The following GSDMC variants were observed in gnomAD, a reference collection of about 807,000 sequenced individuals.
GSDMC encodes the protein gasdermin-C.
Under a neutral mutation model 58.0 loss-of-function variants are expected in GSDMC, and 59 were observed. That is an observed-to-expected ratio of 1.02 (90% CI 0.82 to 1.26). The LOEUF is 1.26. Among genes scored for constraint, GSDMC ranks in the 50% most tolerant of loss-of-function variants. The pLI, the probability that GSDMC is intolerant of heterozygous loss-of-function variation, is 0.00. For missense variants in GSDMC, 659 were observed against 598.5 expected (o/e 1.10, Z -1.06); for synonymous variants, 241 against 220.2 (o/e 1.09, Z -0.83).
rs1264293392 is a variant in GSDMC at position 129,762,625 on chromosome 8, C to A, written c.676+1G>T. 6 of 1,596,742 alleles carry A rather than the reference C, an allele frequency of 3.8e-6. No individual in the cohort carries two copies. Among genetic ancestry groups the A allele is most frequent in the Non-Finnish European group, 5.2e-6 (6 of 1,164,136 alleles). Reference sequence around the variant, plus strand: ...GCCTTGCTGAGCTCCGCTGCTCCCACCTTTCTCCTTGATAACCAGCTGCTT... The same window carrying A: ...GCCTTGCTGAGCTCCGCTGCTCCCAACTTTCTCCTTGATAACCAGCTGCTT... On this transcript the variant is annotated splice_donor_variant, in intron 5 of 13. Coordinates refer to ENST00000276708, the MANE Select transcript of GSDMC (RefSeq NM_031415.3). LOFTEE classifies it high-confidence loss of function.
chr8:129,755,024 A>T (rs577803669), intron 6 of GSDMC, among the ~76,000 whole-genome samples: 1 of 152,188 alleles, frequency 6.6e-6, no homozygotes, highest in African/African-American at 2.4e-5. Flanking sequence ...GGACACAGAG[A>T]AAGAGATAGG....
intron 3 of GSDMC, among the ~76,000 whole-genome samples, chr8:129,771,923 TAGAA>T (rs1337431814): frequency 2.0e-5 from 3 of 151,886 alleles, no homozygotes; most frequent in Non-Finnish European, 2.9e-5. Context: ...ATTAAGAAAA[TAGAA>T]AGAATTCAAA....
At chr8:129,716,510 A>G in the GSDMC span, among the ~76,000 whole-genome samples, 1 of 152,042 alleles carries the variant, frequency 6.6e-6, no homozygotes, top group Non-Finnish European at 1.5e-5. Context: ...GCTTAAGGAG[A>G]TTTGGGGCTG....
At chr8:129,783,884 G>T (rs111558617) in intron 1 of GSDMC, among the ~76,000 whole-genome samples, 24,402 of 152,024 alleles carry the variant, frequency 0.16, 2,392 homozygotes, top group Non-Finnish European at 0.21. Flanking sequence ...GTACTGGCAT[G>T]AAAACAGACA....
At chr8:129,778,889 C>T (rs2034327181) in intron 1 of GSDMC, among the ~76,000 whole-genome samples, 1 of 151,066 alleles carries the variant, frequency 6.6e-6, no homozygotes, top group Non-Finnish European at 1.5e-5. Flanking sequence ...TAGAGAAACA[C>T]AAATCAAAAC....
chr8:129,723,985 T>C, the GSDMC span, among the ~76,000 whole-genome samples: 7 of 152,350 alleles, frequency 4.6e-5, no homozygotes, highest in South Asian at 1.5e-3. Context: ...TTAATTAATA[T>C]GTGGGCACAA....
At chr8:129,722,332 G>A in the GSDMC span, among the ~76,000 whole-genome samples, 1 of 152,182 alleles carries the variant, frequency 6.6e-6, no homozygotes, top group Admixed American at 6.5e-5. Flanking sequence ...GTGGGTGAGT[G>A]AAGGAGTTAC....
chr8:129,752,548 A>C (rs2033252168), intron 7 of GSDMC, 150 bp downstream of exon 7: 3 of 1,264,968 alleles, frequency 2.4e-6, no homozygotes, highest in African/African-American at 3.0e-5. Flanking sequence ...AGTTCTAAGC[A>C]AAAAAACACT....
At chr8:129,709,882 G>A in the GSDMC span, among the ~76,000 whole-genome samples, 1 of 152,284 alleles carries the variant, frequency 6.6e-6, no homozygotes, top group Non-Finnish European at 1.5e-5. Context: ...TGGCGGCAGC[G>A]CTAGTTCTTT....
the GSDMC span, among the ~76,000 whole-genome samples, chr8:129,738,693 G>A: frequency 2.0e-5 from 3 of 152,032 alleles, no homozygotes; most frequent in Non-Finnish European, 4.4e-5. Flanking sequence ...ATTAGGAGAA[G>A]TACCTAATGT....
chr8:129,750,844 A>G (rs952314027), intron 10 of GSDMC, among the ~76,000 whole-genome samples: 9 of 152,232 alleles, frequency 5.9e-5, no homozygotes, highest in African/African-American at 2.2e-4. Context: ...CAAATGGAAG[A>G]GAATGGCAAA....
Position 129,749,438 on chromosome 8 carries a change from T to C in GSDMC, c.1287+14A>G. ...CCCTCTTCCCTGAACTTCTGGCCCC[T>C]GGGAAGTTCTCACCAGCTCCTGTTG... On this transcript the variant is annotated intron_variant, in intron 13 of 13. Transcript: ENST00000276708. 1 of 1,584,308 alleles carries C rather than the reference T, an allele frequency of 6.3e-7. No individual in the cohort carries two copies. Among genetic ancestry groups the C allele is most frequent in the Non-Finnish European group, 8.7e-7 (1 of 1,152,826 alleles).
At chr8:129,729,955 C>A in the GSDMC span, 1 of 1,508,256 alleles carries the variant, frequency 6.6e-7, no homozygotes, top group Admixed American at 1.7e-5. Flanking sequence ...AGTGGAGCTG[C>A]GGGGGCAGCA....
intron 3 of GSDMC, among the ~76,000 whole-genome samples, chr8:129,774,768 C>T (rs1466329452): frequency 6.6e-6 from 1 of 151,894 alleles, no homozygotes; most frequent in African/African-American, 2.4e-5. Context: ...GGGCAAAGGA[C>T]CTAAATAGAT....
chr8:129,709,453 AATAGATG>A, the GSDMC span, among the ~76,000 whole-genome samples: 2 of 151,700 alleles, frequency 1.3e-5, no homozygotes, highest in African/African-American at 4.9e-5. Context: ...GCTAGATATA[AATAGATG>A]ATAGATGATA....
At chr8:129,721,951 A>G in the GSDMC span, among the ~76,000 whole-genome samples, 2 of 152,102 alleles carry the variant, frequency 1.3e-5, no homozygotes, top group African/African-American at 4.8e-5. Flanking sequence ...CCAAATCACA[A>G]TGACTTAGAG....
downstream of GSDMC, among the ~76,000 whole-genome samples, chr8:129,745,421 C>T (rs541793008): frequency 3.3e-5 from 5 of 152,254 alleles, no homozygotes; most frequent in African/African-American, 9.6e-5. Flanking sequence ...TTTTTCACTG[C>T]TTCCTAAGTG....
intron 1 of GSDMC, among the ~76,000 whole-genome samples, chr8:129,780,155 C>A (rs2034362873): frequency 6.6e-6 from 1 of 151,980 alleles, no homozygotes; most frequent in Admixed American, 6.6e-5. Flanking sequence ...TAGAAAATAG[C>A]CTCAAAAGGG....
At position 129,751,537 on chromosome 8, in the gene GSDMC, CT is replaced by C; in HGVS notation, c.943+4del. On this transcript the variant is annotated splice_donor_region_variant and intron_variant, in intron 10 of 13. Coordinates refer to ENST00000276708, the MANE Select transcript of GSDMC (RefSeq NM_031415.3). ...GCCCCAGGTTCCCCCTTAATAAATA[CT>C]TACTTTGCCAGAAGGGTTCCTCTAT... is the stretch of plus-strand genomic sequence containing the variant. 6.2e-7 allele frequency: 1 copy of C among 1,610,688 alleles called. No individual in the cohort carries two copies. The highest frequency in any genetic ancestry group is 8.5e-7 in the Non-Finnish European group (1 of 1,177,654).
Sources: gnomAD v4.1 joint callset for allele counts (sites outside exome capture counted in the v4.1 genomes callset) on GRCh38, gnomAD v4.1.1 for gene constraint, MANE v1.5 for transcripts, NCBI Gene and HGNC (gene_info 2026-07-23, HGNC 2026-07-21) for gene names.